The following TMEM254 variants were observed in gnomAD, a reference collection of about 807,000 sequenced individuals.
TMEM254 encodes transmembrane protein 254.
In TMEM254, 16 loss-of-function variants were observed where a neutral mutation model predicts 13.9. That is an observed-to-expected ratio of 1.15 (90% CI 0.78 to 1.75). TMEM254 has a LOEUF of 1.75. TMEM254 is among the 40% of genes most tolerant of loss of function. TMEM254 has a pLI of 0.00. For missense variants in TMEM254, 155 were observed against 149.0 expected (o/e 1.04, Z -0.21); for synonymous variants, 61 against 56.4 (o/e 1.08, Z -0.36).
At chr10:80,085,574 A>AG (rs886721392) in intron 3 of TMEM254, among the ~76,000 whole-genome samples, 1 of 152,074 alleles carries the variant, frequency 6.6e-6, no homozygotes, top group African/African-American at 2.4e-5. Flanking sequence ...CTCAAAAAAA[A>AG]AAAAGACAAG....
Position 80,091,009 on chromosome 10 carries a change from T to C in TMEM254, c.*92T>C. On this transcript the variant is annotated 3_prime_UTR_variant, in exon 4 of 4. Transcript: ENST00000372281. ...GGTGCAGTAATTTACTCAGTGATCT[T>C]TCTACTTTCTAGAAACTGTCCTTCA... The C allele has an allele frequency of 3.3e-6, 5 of 1,499,664 alleles. No homozygotes were observed. Among genetic ancestry groups the C allele is most frequent in the Non-Finnish European group, 1.8e-6 (2 of 1,117,456 alleles). 92.9% of individuals were successfully genotyped at this position (1,499,664 alleles called of 1,614,324 possible).
At chr10:80,089,521 A>G (rs1401612216) in intron 3 of TMEM254, among the ~76,000 whole-genome samples, 5 of 152,050 alleles carry the variant, frequency 3.3e-5, no homozygotes, top group Non-Finnish European at 7.4e-5. Flanking sequence ...AAACAAACAA[A>G]AAACCTAGCC....
intron 3 of TMEM254, among the ~76,000 whole-genome samples, chr10:80,088,173 A>G (rs892575941): frequency 6.6e-6 from 1 of 151,464 alleles, no homozygotes; most frequent in African/African-American, 2.4e-5. Context: ...GTGTGGATCT[A>G]TTTCTGAACA....
chr10:80,092,350 T>G lies in TMEM254; in HGVS notation c.*1433T>G, dbSNP rs1280456643. The G allele has an allele frequency of 6.6e-6, 1 of 152,252 alleles. No homozygotes were observed. Among genetic ancestry groups the G allele is most frequent in the African/African-American group, 2.4e-5 (1 of 41,468 alleles). The allele number at this position is 152,252 out of a possible 1,614,324, so 9.4% of individuals were successfully genotyped here. ...CATATCTCAGTCTTCCCTCTGTTTC[T>G]CTGGTGATTAAGAAGTTCCTTTTTG... is the stretch of plus-strand genomic sequence containing the variant. On this transcript the variant is annotated 3_prime_UTR_variant, in exon 4 of 4. Transcript: ENST00000372281.
In TMEM254 at chr10:80,083,988, G is replaced by C. The variant is rs142135446; in HGVS notation, c.251+1784G>C. Among the ~76,000 whole-genome samples, 1,106 of 152,274 alleles carry C rather than the reference G, an allele frequency of 7.3e-3. 15 individuals carry two copies. Among genetic ancestry groups the C allele is most frequent in the African/African-American group, 0.025 (1,050 of 41,532 alleles). On this transcript the variant is annotated intron_variant, in intron 3 of 3. Transcript: ENST00000372281. ...CAGTCCCAGCTGCTCAGGAGGCTGA[G>C]GCACGAGAATCGCTTGAATCCGGGA...
chr10:80,080,465 A>G (rs1383420154), intron 1 of TMEM254, among the ~76,000 whole-genome samples: 1 of 152,198 alleles, frequency 6.6e-6, no homozygotes, highest in Non-Finnish European at 1.5e-5. Flanking sequence ...CTTATTTTCC[A>G]TCTCTATGCA....
In TMEM254 at chr10:80,078,703, G is replaced by C. The variant is rs756208333; in HGVS notation, c.4G>C (p.Ala2Pro). 1.9e-6 allele frequency: 3 copies of C among 1,600,544 alleles called. No homozygotes were observed. The highest frequency in any genetic ancestry group is 1.7e-5 in the Admixed American group (1 of 59,034). The change falls in exon 1 of 4, where the codon GCT becomes CCT. Residue 2 changes from alanine (A) to proline (P), a missense_variant. Physicochemically the swap from Ala to Pro is conservative, Grantham distance 27. Transcript: ENST00000372281. M[A>P]TAAGATYFQR... ...CTCCCGGGGAGGTGTTGCAGCCATG[G>C]CTACGGCAGCCGGCGCGACCTACTT...
rs58187971 is a variant in TMEM254 at position 80,088,433 on chromosome 10, G to GT, written c.252-2356dup. 4.9e-3 allele frequency among the ~76,000 whole-genome samples: 738 copies of GT among 149,592 alleles called. 8 individuals carry two copies. The highest frequency in any genetic ancestry group is 0.017 in the African/African-American group (691 of 40,670). Reference sequence around the variant, plus strand: ...GAGAATATTGGCATATTTCCATTATGTTTTTTTTCTTTTTTTTTTCCTTAA... The same window carrying GT: ...GAGAATATTGGCATATTTCCATTATGTTTTTTTTTCTTTTTTTTTTCCTTAA... On this transcript the variant is annotated intron_variant, in intron 3 of 3. Transcript: ENST00000372281.
At chr10:80,080,031 A>G (rs111410312) in intron 1 of TMEM254, among the ~76,000 whole-genome samples, 5 of 152,254 alleles carry the variant, frequency 3.3e-5, no homozygotes, top group African/African-American at 9.6e-5. Flanking sequence ...GTTGGTGTCA[A>G]ATCTGACAAC....
At position 80,081,952 on chromosome 10, in the gene TMEM254, G is replaced by A; in HGVS notation, c.191+8G>A. The A allele has an allele frequency of 6.2e-7, 1 of 1,612,784 alleles. No individual in the cohort carries two copies. Among genetic ancestry groups the A allele is most frequent in the Non-Finnish European group, 8.5e-7 (1 of 1,178,954 alleles). ...CACCCTCCTGTGCAATGGGTAAGGA[G>A]AGCTGCACAAGTGGACTGTGGACAC... On this transcript the variant is annotated splice_region_variant and intron_variant, in intron 2 of 3. Transcript: ENST00000372281.
intron 1 of TMEM254, among the ~76,000 whole-genome samples, chr10:80,081,456 C>T (rs1331743512): frequency 6.6e-6 from 1 of 152,036 alleles, no homozygotes; most frequent in Non-Finnish European, 1.5e-5. Flanking sequence ...TGCTTGAGCC[C>T]TGGAGTTGGA....
intron 3 of TMEM254, among the ~76,000 whole-genome samples, chr10:80,083,939 G>A (rs11813610): frequency 1.7e-3 from 256 of 152,120 alleles, no homozygotes; most frequent in African/African-American, 6.0e-3. Context: ...TACTAAAAAA[G>A]CCAGGCATGG....
At chr10:80,089,146 TAC>T (rs1844456232) in intron 3 of TMEM254, among the ~76,000 whole-genome samples, 1 of 152,090 alleles carries the variant, frequency 6.6e-6, no homozygotes, top group South Asian at 2.1e-4. Context: ...TGTCCAGAAA[TAC>T]AGTTTTATTT....
chr10:80,090,781 G>A lies in TMEM254; in HGVS notation c.252-16G>A. ...GATTAACATCTCGTGTTTAAATTTT[G>A]TTTTTTCTGTTTTAGGCATAAAGGC... On this transcript the variant is annotated splice_polypyrimidine_tract_variant and intron_variant, in intron 3 of 3. Coordinates refer to ENST00000372281, the MANE Select transcript of TMEM254 (RefSeq NM_025125.4). 6.2e-7 allele frequency: 1 copy of A among 1,603,554 alleles called. No individual in the cohort carries two copies. The highest frequency in any genetic ancestry group is 8.5e-7 in the Non-Finnish European group (1 of 1,177,510).
chr10:80,078,900 A>T (rs3824727), intron 1 of TMEM254, 114 bp downstream of exon 1: 1 of 1,521,888 alleles, frequency 6.6e-7, no homozygotes, highest in Non-Finnish European at 8.9e-7. Flanking sequence ...CACAATCCCG[A>T]CTCCCGCGCG....
At position 80,091,015 on chromosome 10, in the gene TMEM254, T is replaced by C. The variant is rs1844556359; in HGVS notation, c.*98T>C. 6.7e-7 allele frequency: 1 copy of C among 1,484,212 alleles called. No individual in the cohort carries two copies. The highest frequency in any genetic ancestry group is 9.0e-7 in the Non-Finnish European group (1 of 1,105,548). The allele number at this position is 1,484,212 out of a possible 1,614,324, so 91.9% of individuals were successfully genotyped here. On this transcript the variant is annotated 3_prime_UTR_variant, in exon 4 of 4. Coordinates refer to ENST00000372281, the MANE Select transcript of TMEM254 (RefSeq NM_025125.4). ...GTAATTTACTCAGTGATCTTTCTAC[T>C]TTCTAGAAACTGTCCTTCAAAGCTC...
chr10:80,089,959 C>A (rs1290508753), intron 3 of TMEM254, among the ~76,000 whole-genome samples: 1 of 149,048 alleles, frequency 6.7e-6, no homozygotes, highest in Admixed American at 6.7e-5. Flanking sequence ...GAGTCAAGAT[C>A]GCGCCACTGC....
intron 3 of TMEM254, among the ~76,000 whole-genome samples, chr10:80,084,142 C>G (rs1844195169): frequency 6.6e-6 from 1 of 152,090 alleles, no homozygotes; most frequent in Non-Finnish European, 1.5e-5. Flanking sequence ...GATCAGGCAG[C>G]TAGGTACTGT....
intron 1 of TMEM254, 176 bp from the exon 2 acceptor site, chr10:80,081,665 C>CAA (rs113172526): frequency 0.056 from 79,111 of 1,421,578 alleles, 786 homozygotes; most frequent in African/African-American, 0.075. Flanking sequence ...GAGACCCTGT[C>CAA]AAAAAAAAAA....
Sources: allele counts gnomAD v4.1 joint callset (sites outside exome capture counted in the v4.1 genomes callset), GRCh38; gene constraint gnomAD v4.1.1; transcripts MANE v1.5; gene names NCBI Gene and HGNC (gene_info 2026-07-23, HGNC 2026-07-21).